The following YAF2 variants were observed in gnomAD, a reference collection of about 807,000 sequenced individuals.
The protein encoded by YAF2 is YY1 associated factor 2, also known as YY1-associated factor 2.
In YAF2, 7 loss-of-function variants were observed where a neutral mutation model predicts 20.1. The observed-to-expected ratio is 0.35, with a 90% CI of 0.20 to 0.65. YAF2 has a LOEUF of 0.65. Ranked by LOEUF, YAF2 falls within the 30% of genes least tolerant of loss-of-function variation. The pLI is 0.69. For missense variants in YAF2, 151 were observed against 219.2 expected, an observed-to-expected ratio of 0.69 and a Z score of 1.96; for synonymous variants, 74 against 76.0, an observed-to-expected ratio of 0.97 and a Z score of 0.14.
At chr12:42,235,630 T>C (rs1335724011) in intron 2 of YAF2, 1 of 1,501,574 alleles carries the variant, frequency 6.7e-7, no homozygotes, top group East Asian at 2.5e-5. Context: ...GAACACAGTG[T>C]CCCTTAGATT....
At chr12:42,199,208 T>C (rs1488516251) in intron 2 of YAF2, 17 of 1,289,122 alleles carry the variant, frequency 1.3e-5, no homozygotes, top group South Asian at 6.2e-5. Flanking sequence ...TTCCACCAAA[T>C]GGTAACCAGG....
intron 2 of YAF2, among the ~76,000 whole-genome samples, chr12:42,215,927 AAAATAAATAAATAAATAAAT>A (rs67295015): frequency 0.019 from 2,723 of 144,790 alleles, 87 homozygotes; most frequent in African/African-American, 0.063. Flanking sequence ...TCCAGCTCAA[AAAATAAATAAATAAATAAAT>A]AAATAAATAA....
At chr12:42,210,443 C>T (rs2067173777) in intron 2 of YAF2, 1 of 1,534,566 alleles carries the variant, frequency 6.5e-7, no homozygotes, top group Non-Finnish European at 8.7e-7. Flanking sequence ...TCCTGATGGG[C>T]ATCCACTGGA....
intron 2 of YAF2, among the ~76,000 whole-genome samples, chr12:42,224,762 T>C (rs1044428321): frequency 6.6e-6 from 1 of 152,202 alleles, no homozygotes; most frequent in African/African-American, 2.4e-5. Context: ...ACATTTTCTT[T>C]ATCCAGTCTA....
chr12:42,214,920 T>C (rs189757623), intron 2 of YAF2, among the ~76,000 whole-genome samples: 1 of 151,836 alleles, frequency 6.6e-6, no homozygotes, highest in Non-Finnish European at 1.5e-5. Flanking sequence ...AGGAGAATCG[T>C]TTGAACCTGG....
At chr12:42,238,038 G>A in intron 1 of YAF2, 117 bp downstream of exon 1, 1 of 782,018 alleles carries the variant, frequency 1.3e-6, no homozygotes, top group Non-Finnish European at 1.7e-6. Flanking sequence ...GCACACCAGC[G>A]GCGCTGCCCC....
rs1303430348 is a variant in YAF2, at chr12:42,210,739, C to T, written c.152+26860G>A. 8 of 1,434,448 alleles carry T rather than the reference C, an allele frequency of 5.6e-6. No individual in the cohort carries two copies. The East Asian group carries it at 1.7e-4, about 31-fold the overall frequency. The allele number at this position is 1,434,448 out of a possible 1,614,324, so 88.9% of individuals were successfully genotyped here. On this transcript the variant is annotated intron_variant, in intron 2 of 3. Transcript: ENST00000534854. ...GAGATTATTATCACACGTAGAACTA[C>T]AGAAGAAAGCATAAATTCACTAGAT...
At chr12:42,202,607 T>C (rs1012113087) in intron 2 of YAF2, among the ~76,000 whole-genome samples, 1 of 152,220 alleles carries the variant, frequency 6.6e-6, no homozygotes, top group Non-Finnish European at 1.5e-5. Context: ...TCTTTGTCAT[T>C]GTATATAGTA....
intron 2 of YAF2, among the ~76,000 whole-genome samples, chr12:42,207,475 A>T (rs199777290): frequency 2.1e-5 from 3 of 145,298 alleles, no homozygotes; most frequent in Non-Finnish European, 3.1e-5. Context: ...ATTATTAATA[A>T]TATTATACTA....
intron 2 of YAF2, among the ~76,000 whole-genome samples, chr12:42,192,536 C>T (rs2066642212): frequency 6.6e-6 from 1 of 152,166 alleles, no homozygotes. Context: ...ACAACACAAC[C>T]TGGATTTTAT....
intron 2 of YAF2, chr12:42,233,694 G>A: frequency 1.2e-6 from 1 of 828,154 alleles, no homozygotes; most frequent in South Asian, 5.5e-5. Context: ...TTAATTTTTA[G>A]TAGAGACGAG....
intron 2 of YAF2, among the ~76,000 whole-genome samples, chr12:42,213,149 G>A (rs1353198427): frequency 6.6e-6 from 1 of 152,206 alleles, no homozygotes; most frequent in African/African-American, 2.4e-5. Flanking sequence ...ATCTTGCTCT[G>A]GGGCAAACAA....
intron 2 of YAF2, among the ~76,000 whole-genome samples, chr12:42,207,566 G>A (rs1252867099): frequency 6.6e-6 from 1 of 152,110 alleles, no homozygotes; most frequent in East Asian, 1.9e-4. Context: ...TAAGATTGAT[G>A]AGCCAAATGA....
At chr12:42,235,491 G>C in intron 2 of YAF2, 2 of 1,243,322 alleles carry the variant, frequency 1.6e-6, no homozygotes, top group South Asian at 1.7e-5. Context: ...GAAACCACTA[G>C]GAAAATAACA....
chr12:42,176,966 T>C (rs1454861366), intron 2 of YAF2, among the ~76,000 whole-genome samples: 1 of 152,108 alleles, frequency 6.6e-6, no homozygotes, highest in African/African-American at 2.4e-5. Context: ...AAACTCTGTC[T>C]CAAAAAATAA....
chr12:42,162,057 C>CA (rs952547437), intron 2 of YAF2, among the ~76,000 whole-genome samples: 9 of 151,340 alleles, frequency 5.9e-5, no homozygotes, highest in South Asian at 2.1e-4. Flanking sequence ...AAATGTATAT[C>CA]AAAAAAAATG....
At chr12:42,192,041 CA>C (rs1184070613) in intron 2 of YAF2, among the ~76,000 whole-genome samples, 1,588 of 117,020 alleles carry the variant, frequency 0.014, 23 homozygotes, top group African/African-American at 0.047. Context: ...GACTCCATCT[CA>C]AAAAAAAAAA....
intron 2 of YAF2, among the ~76,000 whole-genome samples, chr12:42,229,221 G>A (rs570320406): frequency 9.4e-5 from 10 of 106,464 alleles, no homozygotes; most frequent in African/African-American, 3.2e-4. Context: ...CAGCATGCTC[G>A]TTAAGAGTCA....
intron 2 of YAF2, among the ~76,000 whole-genome samples, chr12:42,218,574 C>T (rs143687214): frequency 4.6e-5 from 7 of 151,808 alleles, no homozygotes; most frequent in Non-Finnish European, 7.4e-5. Context: ...GGATTTTGAC[C>T]TTTCAGGATT....
Sources: allele counts gnomAD v4.1 joint callset (sites outside exome capture counted in the v4.1 genomes callset), GRCh38; gene constraint gnomAD v4.1.1; transcripts MANE v1.5; gene names NCBI Gene and HGNC (gene_info 2026-07-23, HGNC 2026-07-21).